Variants in PCNX2 observed in about 807,000 individuals in gnomAD.
PCNX2 encodes the protein pecanex-like protein 2.
In PCNX2, 168 loss-of-function variants were observed where a neutral mutation model predicts 223.8. The ratio of observed to expected loss-of-function variants is 0.75; its 90% confidence interval spans 0.66 to 0.85. The LOEUF (loss-of-function observed/expected upper bound fraction) is 0.85. Among genes scored for constraint, PCNX2 ranks in the 40% least tolerant of loss-of-function variants. The pLI is 0.00. For missense variants in PCNX2, 2,507 were observed against 2,675.5 expected, an observed-to-expected ratio of 0.94 and a Z score of 1.39; for synonymous variants, 1,006 against 1,052.6, an observed-to-expected ratio of 0.96 and a Z score of 0.86.
chr1:233,127,117 C>T (rs780595687), intron 21 of PCNX2, among the ~76,000 whole-genome samples: 2 of 152,202 alleles, frequency 1.3e-5, no homozygotes, highest in East Asian at 1.9e-4. Flanking sequence ...CGTTTACTCA[C>T]TTCCACAAAG....
At chr1:233,267,915 T>C (rs924209233) in intron 1 of PCNX2, among the ~76,000 whole-genome samples, 5 of 152,046 alleles carry the variant, frequency 3.3e-5, no homozygotes, top group Admixed American at 3.3e-4. Context: ...GATAATTCGA[T>C]GTTTAGTTTT....
At chr1:233,221,631 G>A (rs1657385824) in intron 10 of PCNX2, among the ~76,000 whole-genome samples, 1 of 152,114 alleles carries the variant, frequency 6.6e-6, no homozygotes, top group African/African-American at 2.4e-5. Context: ...AAAGTGCACT[G>A]GATGGGGAAG....
intron 23 of PCNX2, among the ~76,000 whole-genome samples, chr1:233,060,822 TC>T (rs1672379115): frequency 6.6e-6 from 1 of 152,162 alleles, no homozygotes; most frequent in Non-Finnish European, 1.5e-5. Context: ...GCTAATGCTG[TC>T]CTGAGCACTA....
intron 19 of PCNX2, among the ~76,000 whole-genome samples, chr1:233,147,986 CA>C (rs921513479): frequency 4.6e-5 from 7 of 152,040 alleles, no homozygotes; most frequent in African/African-American, 1.7e-4. Context: ...AGGAGAGTCA[CA>C]AAAAAATACT....
At chr1:233,285,340 C>T (rs892717242) in intron 1 of PCNX2, among the ~76,000 whole-genome samples, 2 of 151,558 alleles carry the variant, frequency 1.3e-5, no homozygotes, top group African/African-American at 4.9e-5. Context: ...TGACAATGAA[C>T]CCTATCTCTA....
intron 16 of PCNX2, among the ~76,000 whole-genome samples, chr1:233,178,226 T>A (rs947155780): frequency 1.4e-4 from 22 of 152,218 alleles, no homozygotes; most frequent in Non-Finnish European, 2.5e-4. Flanking sequence ...AACATTGCAC[T>A]AATACAATTG....
At chr1:233,057,313 A>G (rs1209470095) in intron 23 of PCNX2, 23 bp from the exon 24 acceptor site, 1 of 1,584,422 alleles carries the variant, frequency 6.3e-7, no homozygotes. Context: ...ACAAAAGGGT[A>G]AAAGGTCATG....
chr1:233,305,597 T>A, the PCNX2 span, among the ~76,000 whole-genome samples: 3 of 151,962 alleles, frequency 2.0e-5, no homozygotes, highest in South Asian at 6.2e-4. Flanking sequence ...AGGCGTGTGC[T>A]CCCACGCCCA....
chr1:233,184,053 C>A (rs1213801620), intron 15 of PCNX2, among the ~76,000 whole-genome samples: 2 of 152,190 alleles, frequency 1.3e-5, no homozygotes, highest in Non-Finnish European at 2.9e-5. Flanking sequence ...GAAGAACCTG[C>A]TAACTTCTAT....
intron 8 of PCNX2, among the ~76,000 whole-genome samples, chr1:233,247,654 G>A (rs898881800): frequency 4.6e-5 from 7 of 152,030 alleles, no homozygotes; most frequent in African/African-American, 1.7e-4. Context: ...CAAGGCTGGC[G>A]GATCACGAGG....
intron 21 of PCNX2, among the ~76,000 whole-genome samples, chr1:233,115,628 C>G (rs76664213): frequency 0.017 from 2,546 of 152,178 alleles, 29 homozygotes; most frequent in East Asian, 0.044. Context: ...GTTTAGAGAA[C>G]TAAAGGGCCA....
intron 17 of PCNX2, among the ~76,000 whole-genome samples, chr1:233,171,649 C>T (rs1041866345): frequency 2.6e-5 from 4 of 152,108 alleles, no homozygotes; most frequent in Non-Finnish European, 4.4e-5. Context: ...TATGGCTTGT[C>T]TGGTGCGGAT....
In PCNX2 at chr1:233,122,432, G is replaced by A. The variant is rs566954955; in HGVS notation, c.3837+12581C>T. Reference sequence around the variant, plus strand: ...TATAGGATGGAAAGGAGGACAAAAGGGTAACATTGCAGTGGAAAAACCTTA... The same window carrying A: ...TATAGGATGGAAAGGAGGACAAAAGAGTAACATTGCAGTGGAAAAACCTTA... On this transcript the variant is annotated intron_variant, in intron 21 of 33. Coordinates refer to ENST00000258229, the MANE Select transcript of PCNX2 (RefSeq NM_014801.4). Among the ~76,000 whole-genome samples, 12 of 152,038 alleles carry A rather than the reference G, an allele frequency of 7.9e-5. No individual in the cohort carries two copies. In the South Asian group the frequency reaches 2.1e-3, roughly 26 times the overall value.
the PCNX2 span, among the ~76,000 whole-genome samples, chr1:233,311,828 A>G: frequency 6.6e-6 from 1 of 152,188 alleles, no homozygotes; most frequent in Non-Finnish European, 1.5e-5. Context: ...TAGAACTTAA[A>G]AATAATTACA....
chr1:233,221,185 A>G lies in PCNX2; in HGVS notation c.2505-3001T>C, dbSNP rs150678917. Among the ~76,000 whole-genome samples the G allele has an allele frequency of 5.1e-3, 513 of 100,924 alleles. 3 individuals are homozygous for G. The highest frequency in any genetic ancestry group is 0.018 in the African/African-American group (499 of 27,744). The allele number at this position is 100,924 out of a possible 152,430, so 66.2% of individuals were successfully genotyped here. A position where few individuals can be genotyped will look rare whatever the true frequency, so the allele number is the denominator to read the frequency against. ...AGTATTCAGATAATCATGAGGCTCA[A>G]GTTGAATTTTTTTTTTTAATCGGGG... On this transcript the variant is annotated intron_variant, in intron 10 of 33. Coordinates refer to ENST00000258229, the MANE Select transcript of PCNX2 (RefSeq NM_014801.4).
At chr1:233,226,258 A>G (rs949070479) in intron 10 of PCNX2, among the ~76,000 whole-genome samples, 1 of 152,048 alleles carries the variant, frequency 6.6e-6, no homozygotes, top group African/African-American at 2.4e-5. Flanking sequence ...GCCCATCTCC[A>G]TCATGTTTTC....
chr1:232,998,447 G>T lies in PCNX2; in HGVS notation c.5604-9C>A. 1 of 1,609,714 alleles carries T rather than the reference G, an allele frequency of 6.2e-7. No individual in the cohort carries two copies. The highest frequency in any genetic ancestry group is 1.3e-5 in the African/African-American group (1 of 74,948). On this transcript the variant is annotated splice_polypyrimidine_tract_variant and intron_variant, in intron 31 of 33. Coordinates refer to ENST00000258229, the MANE Select transcript of PCNX2 (RefSeq NM_014801.4). ...TGCAATCCTTCCGCATCCTGTGGGA[G>T]GGAGAAGTCCTTTGAGGATTCTCAG...
At chr1:233,037,031 C>T (rs1475294630) in intron 25 of PCNX2, among the ~76,000 whole-genome samples, 1 of 152,174 alleles carries the variant, frequency 6.6e-6, no homozygotes, top group Non-Finnish European at 1.5e-5. Flanking sequence ...CTGTAGGAGC[C>T]ATGACTACTG....
At chr1:233,103,870 A>G (rs1018173536) in intron 21 of PCNX2, among the ~76,000 whole-genome samples, 4 of 152,166 alleles carry the variant, frequency 2.6e-5, no homozygotes, top group Admixed American at 1.3e-4. Context: ...ACTGTTCTCT[A>G]TAGTGGTTTA....
Sources: allele counts gnomAD v4.1 joint callset (sites outside exome capture counted in the v4.1 genomes callset), GRCh38; gene constraint gnomAD v4.1.1; transcripts MANE v1.5; gene names NCBI Gene and HGNC (gene_info 2026-07-23, HGNC 2026-07-21).